ABCB9: variants seen among roughly 807,000 people sequenced by gnomAD.
ABCB9 encodes the protein ATP binding cassette subfamily B member 9, also known as ABC-type oligopeptide transporter ABCB9.
Under a neutral mutation model 62.0 loss-of-function variants are expected in ABCB9, and 36 were observed. That is an observed-to-expected ratio of 0.58 (90% CI 0.45 to 0.77). The LOEUF (loss-of-function observed/expected upper bound fraction) is 0.77. Ranked by LOEUF, ABCB9 falls within the 30% of genes least tolerant of loss-of-function variation. The pLI is 0.00. For synonymous variants in ABCB9, 435 were observed against 461.4 expected (o/e 0.94, Z 0.73); for missense variants, 943 against 1,054.7 (o/e 0.89, Z 1.47).
chr12:122,928,249 C>T (rs1272959204), downstream of ABCB9, among the ~76,000 whole-genome samples: 2 of 152,010 alleles, frequency 1.3e-5, no homozygotes, highest in Admixed American at 6.6e-5. Flanking sequence ...GTGGGCAGGC[C>T]ATCTGAGGTT....
downstream of ABCB9, among the ~76,000 whole-genome samples, chr12:122,925,448 A>G (rs1223568888): frequency 6.6e-6 from 1 of 151,696 alleles, no homozygotes; most frequent in African/African-American, 2.4e-5. Context: ...AAACTCCCAC[A>G]AAAAAAACAT....
chr12:122,947,763 G>A lies in ABCB9; in HGVS notation c.1053+861C>T, dbSNP rs559338232. ...CCCATGATGGCATCACAGCGGGCCC[G>A]CGATGGCATCACAGCGGGCCCGCAC... On this transcript the variant is annotated intron_variant, in intron 5 of 11. Coordinates refer to ENST00000280560, the MANE Select transcript of ABCB9 (RefSeq NM_019625.4). This position sits in a 1 kb window ranked among gnomAD's most constrained non-coding sequence, Gnocchi z 6.0. The A allele has an allele frequency of 1.2e-3, 160 of 138,618 alleles. 2 individuals carry two copies. The highest frequency in any genetic ancestry group is 7.4e-3 in the South Asian group (85 of 11,424). 8.6% of individuals were successfully genotyped at this position (138,618 alleles called of 1,614,324 possible).
Position 122,930,129 on chromosome 12 carries a change from G to A in ABCB9, c.2083C>T (p.Leu695Phe). Residue 695 changes from leucine (L) to phenylalanine (F), a missense_variant, in exon 12 of 12, where the codon CTC (leucine) becomes TTC (phenylalanine). Physicochemically the swap from Leu to Phe is conservative, Grantham distance 22 (BLOSUM62 0). Transcript: ENST00000280560. The surrounding 1 kb of genome is among the most constrained non-coding windows in gnomAD (Gnocchi z 4.9). ...GTGCTCAGCCGGTGCGCGATGATGA[G>A]TACCGTGTGCTTCTGCAGGTTGCCA... The part of the protein sequence containing the change: ...IHGNLQKHTV[L>F]IIAHRLSTVE... 6.4e-7 allele frequency: 1 copy of A among 1,553,652 alleles called. No homozygotes were observed.
rs914435890 is a variant in ABCB9, at chr12:122,947,225, G to A, written c.1054-1003C>T. 9.2e-5 allele frequency among the ~76,000 whole-genome samples: 14 copies of A among 152,316 alleles called. No homozygotes were observed. The highest frequency in any genetic ancestry group is 2.6e-4 in the African/African-American group (11 of 41,570). ...CATCCCAGGGGCTGGTGGGAAGGCC[G>A]GAAGCAAGGGGTGGGGAGCAGCGTG... is the stretch of plus-strand genomic sequence containing the variant. On this transcript the variant is annotated intron_variant, in intron 5 of 11. Transcript: ENST00000280560. This position sits in a 1 kb window ranked among gnomAD's most constrained non-coding sequence, Gnocchi z 6.0.
upstream of ABCB9, among the ~76,000 whole-genome samples, chr12:122,969,570 T>TA (rs1416045503): frequency 7.9e-5 from 12 of 151,960 alleles, no homozygotes; most frequent in Admixed American, 3.9e-4. Context: ...ACCCAGTTGC[T>TA]ACAAACAATT....
At chr12:122,942,067 A>G (rs1480661009) in intron 7 of ABCB9, among the ~76,000 whole-genome samples, 1 of 151,998 alleles carries the variant, frequency 6.6e-6, no homozygotes, top group Non-Finnish European at 1.5e-5. Flanking sequence ...TTCTAACATT[A>G]TCTCCTTTTT....
chr12:122,951,391 A>G (rs2036360451), intron 2 of ABCB9: 1 of 151,414 alleles, frequency 6.6e-6, no homozygotes, highest in Admixed American at 6.6e-5. Flanking sequence ...GGCCTAGCTA[A>G]TTTTTTGTAT....
At chr12:122,923,901 T>C (rs1313359699) in intron 11 of ABCB9, among the ~76,000 whole-genome samples, 2 of 151,918 alleles carry the variant, frequency 1.3e-5, no homozygotes, top group Non-Finnish European at 2.9e-5. Flanking sequence ...CGACACAGAG[T>C]GAGGTTGACA....
chr12:122,928,890 G>A (rs2034988755), downstream of ABCB9: 21 of 593,922 alleles, frequency 3.5e-5, no homozygotes, highest in Non-Finnish European at 4.4e-5. Context: ...ACCACCCAAA[G>A]TCTCTCTGCA....
At chr12:122,943,199 C>T (rs896757451) in intron 7 of ABCB9, among the ~76,000 whole-genome samples, 2 of 152,182 alleles carry the variant, frequency 1.3e-5, no homozygotes, top group African/African-American at 2.4e-5. Context: ...TGGTGTCCTA[C>T]CCTGTCCGCT....
Position 122,932,322 on chromosome 12 carries a change from C to T in ABCB9, c.1910G>A (p.Gly637Glu), listed in dbSNP as rs1299519470. The T allele has an allele frequency of 3.2e-6, 5 of 1,550,590 alleles. No homozygotes were observed. Among genetic ancestry groups the T allele is most frequent in the African/African-American group, 1.4e-5 (1 of 73,036 alleles). ...ACCTGACAGCTGGGCGCCCTTCTCCCCTGTCTCTGTATGGTGGAGGCACAG... is the reference window on the plus strand; with the variant it reads ...ACCTGACAGCTGGGCGCCCTTCTCCTCTGTCTCTGTATGGTGGAGGCACAG... ...ELQDGYSTETGEKGAQLSGGQ... is the reference protein window; with the variant it reads ...ELQDGYSTETEEKGAQLSGGQ... Residue 637 changes from glycine to glutamate, a missense_variant, in exon 11 of 12, where the codon GGG (glycine) becomes GAG (glutamate). Gly to Glu is a moderately conservative substitution (Grantham distance 98). Coordinates refer to ENST00000280560, the MANE Select transcript of ABCB9 (RefSeq NM_019625.4). This position sits in a 1 kb window ranked among gnomAD's most constrained non-coding sequence, Gnocchi z 4.7.
chr12:122,944,549 G>A lies in ABCB9; in HGVS notation c.1252-30C>T, dbSNP rs1413835264. The A allele has an allele frequency of 3.1e-6, 5 of 1,610,758 alleles. No individual in the cohort carries two copies. The highest frequency in any genetic ancestry group is 1.7e-4 in the Middle Eastern group (1 of 5,802). ...GGCAGAGGGAGAGGGGATGTGGGTC[G>A]AGGGGACCTTAGATCCCCCACCATC... On this transcript the variant is annotated intron_variant, in intron 6 of 11. Coordinates refer to ENST00000280560, the MANE Select transcript of ABCB9 (RefSeq NM_019625.4). This position sits in a 1 kb window ranked among gnomAD's most constrained non-coding sequence, Gnocchi z 4.9.
Position 122,944,685 on chromosome 12 carries a change from T to C in ABCB9, c.1252-166A>G. 1 of 921,572 alleles carries C rather than the reference T, an allele frequency of 1.1e-6. No individual in the cohort carries two copies. The highest frequency in any genetic ancestry group is 1.6e-6 in the Non-Finnish European group (1 of 632,920). The allele number at this position is 921,572 out of a possible 1,614,324, so 57.1% of individuals were successfully genotyped here. ...TCTTCCAAGGCTTGTCACTCATGCC[T>C]TCCCCTGCCCCGAGCATTTCCCTAC... is the stretch of plus-strand genomic sequence containing the variant. On this transcript the variant is annotated intron_variant, in intron 6 of 11. Transcript: ENST00000280560. This position sits in a 1 kb window ranked among gnomAD's most constrained non-coding sequence, Gnocchi z 4.9.
In ABCB9 at chr12:122,947,851, C is replaced by G. The variant is rs1408619422; in HGVS notation, c.1053+773G>C. 2 of 160,876 alleles carry G rather than the reference C, an allele frequency of 1.2e-5. No homozygotes were observed. Among genetic ancestry groups the G allele is most frequent in the East Asian group, 3.6e-4 (2 of 5,550 alleles). 10.0% of individuals were successfully genotyped at this position (160,876 alleles called of 1,614,324 possible). On this transcript the variant is annotated intron_variant, in intron 5 of 11. Transcript: ENST00000280560. The surrounding 1 kb of genome is among the most constrained non-coding windows in gnomAD (Gnocchi z 6.0). ...GCCTTTTCACTGGCTGTGCCCTCTG[C>G]TCAGCACATACCTCCCAAGATGCCC...
upstream of ABCB9, among the ~76,000 whole-genome samples, chr12:122,970,946 G>A (rs888674992): frequency 3.3e-5 from 5 of 152,162 alleles, no homozygotes; most frequent in African/African-American, 1.2e-4. Flanking sequence ...CCTACCATAT[G>A]ACATTCTGGA....
intron 11 of ABCB9, chr12:122,931,362 T>C (rs2035152374): frequency 6.9e-6 from 1 of 144,626 alleles, no homozygotes; most frequent in Non-Finnish European, 1.5e-5. Flanking sequence ...TCTCACTCTG[T>C]CGCCCAGGCT....
At position 122,944,610 on chromosome 12, in the gene ABCB9, G is replaced by T; in HGVS notation, c.1252-91C>A. The T allele has an allele frequency of 6.5e-7, 1 of 1,545,378 alleles. No homozygotes were observed. The highest frequency in any genetic ancestry group is 8.8e-7 in the Non-Finnish European group (1 of 1,142,600). ...GACCCATCCCAGGCTGCAGGGGGAGGTGAGGGCAGACCCAGCCACAAACTG... is the reference window on the plus strand; with the variant it reads ...GACCCATCCCAGGCTGCAGGGGGAGTTGAGGGCAGACCCAGCCACAAACTG... On this transcript the variant is annotated intron_variant, in intron 6 of 11. Transcript: ENST00000280560. The surrounding 1 kb of genome is among the most constrained non-coding windows in gnomAD (Gnocchi z 4.9).
At position 122,944,372 on chromosome 12, in the gene ABCB9, G is replaced by T. The variant is rs185804423; in HGVS notation, c.1380+19C>A. 3 of 1,441,848 alleles carry T rather than the reference G, an allele frequency of 2.1e-6. No homozygotes were observed. In the South Asian group the frequency reaches 3.5e-5, roughly 17 times the overall value. 89.3% of individuals were successfully genotyped at this position (1,441,848 alleles called of 1,614,324 possible). On this transcript the variant is annotated intron_variant, in intron 7 of 11. Coordinates refer to ENST00000280560, the MANE Select transcript of ABCB9 (RefSeq NM_019625.4). This position sits in a 1 kb window ranked among gnomAD's most constrained non-coding sequence, Gnocchi z 4.9. ...ACTCCTCCCTTCTCTCTGGATCCCCGGACACACTGGCCTCTCACCTCCATA... is the reference window on the plus strand; with the variant it reads ...ACTCCTCCCTTCTCTCTGGATCCCCTGACACACTGGCCTCTCACCTCCATA...
At position 122,930,115 on chromosome 12, in the gene ABCB9, G is replaced by A; in HGVS notation, c.2097C>T (p.His699=). The A allele has an allele frequency of 6.4e-7, 1 of 1,555,582 alleles. No homozygotes were observed. Among genetic ancestry groups the A allele is most frequent in the Non-Finnish European group, 8.7e-7 (1 of 1,149,516 alleles). ...LQKHTVLIIA[H]RLSTVEHAHL... Reference sequence around the variant, plus strand: ...GCGCGTGCTCCACGGTGCTCAGCCGGTGCGCGATGATGAGTACCGTGTGCT... The same window carrying A: ...GCGCGTGCTCCACGGTGCTCAGCCGATGCGCGATGATGAGTACCGTGTGCT... Residue 699 remains histidine, a synonymous_variant, in exon 12 of 12, where the codon CAC becomes CAT. Coordinates refer to ENST00000280560, the MANE Select transcript of ABCB9 (RefSeq NM_019625.4). The surrounding 1 kb of genome is among the most constrained non-coding windows in gnomAD (Gnocchi z 4.9).
Sources: gnomAD v4.1 joint callset for allele counts (sites outside exome capture counted in the v4.1 genomes callset) on GRCh38, gnomAD v4.1.1 for gene constraint, Gnocchi (gnomAD v3.1) non-coding constraint, MANE v1.5 for transcripts, NCBI Gene and HGNC (gene_info 2026-07-23, HGNC 2026-07-21) for gene names.